SASH1: variants seen among roughly 807,000 people sequenced by gnomAD.
SASH1 encodes SAM and SH3 domain-containing protein 1.
In SASH1, 44 loss-of-function variants were observed where a neutral mutation model predicts 125.2. That is an observed-to-expected ratio of 0.35 (90% confidence interval 0.28 to 0.45). The LOEUF (loss-of-function observed/expected upper bound fraction) is 0.45. SASH1 is among the 20% of genes least tolerant of loss of function. The probability of loss-of-function intolerance (pLI) is 1.00; values close to 1 mark genes in which losing one functional copy is unlikely to be tolerated. For missense variants in SASH1, 1,426 were observed against 1,614.5 expected (o/e 0.88, Z 2.00); for synonymous variants, 639 against 649.1 (o/e 0.98, Z 0.24).
At chr6:148,299,073 A>G (rs1779861585) in intron 1 of SASH1, among the ~76,000 whole-genome samples, 1 of 152,184 alleles carries the variant, frequency 6.6e-6, no homozygotes, top group Non-Finnish European at 1.5e-5. Flanking sequence ...CTGTATATAA[A>G]TGTTTTTGAG....
intron 1 of SASH1, among the ~76,000 whole-genome samples, chr6:148,364,596 A>G (rs1375364340): frequency 6.6e-6 from 1 of 152,136 alleles, no homozygotes; most frequent in African/African-American, 2.4e-5. Context: ...ACGTAAGGCT[A>G]GCAGTTGCTA....
intron 2 of SASH1, among the ~76,000 whole-genome samples, chr6:148,392,105 A>G (rs1783749329): frequency 6.6e-6 from 1 of 152,102 alleles, no homozygotes; most frequent in Admixed American, 6.6e-5. Flanking sequence ...ACCAACACGG[A>G]GAAACCCCGT....
At chr6:148,366,394 T>C (rs1362108450) in intron 1 of SASH1, among the ~76,000 whole-genome samples, 5 of 152,140 alleles carry the variant, frequency 3.3e-5, no homozygotes, top group Admixed American at 3.3e-4. Context: ...CAAGAAAATA[T>C]TGGATACTTG....
chr6:148,221,247 A>G, the SASH1 span, among the ~76,000 whole-genome samples: 1 of 152,204 alleles, frequency 6.6e-6, no homozygotes, highest in Non-Finnish European at 1.5e-5. Flanking sequence ...ATTTTCTTCA[A>G]ATAAATCAGC....
Position 148,307,543 on chromosome 6 carries a change from T to C in SASH1, n.74+35166T>C, listed in dbSNP as rs529743303. Among the ~76,000 whole-genome samples the C allele has an allele frequency of 2.6e-5, 4 of 152,174 alleles. No homozygotes were observed. The East Asian group carries it at 7.7e-4, about 29-fold the overall frequency. ...TGGAACAAGATATTTATGAAACAGGTTCCGTGGCTGCCCCAAGGCTCCAAG... is the reference window on the plus strand; with the variant it reads ...TGGAACAAGATATTTATGAAACAGGCTCCGTGGCTGCCCCAAGGCTCCAAG... On this transcript the variant is annotated intron_variant and non_coding_transcript_variant, in intron 1 of 3. Transcript: ENST00000367469.
intron 8 of SASH1, chr6:148,508,801 T>C (rs761584547): frequency 7.4e-6 from 6 of 813,734 alleles, no homozygotes; most frequent in Non-Finnish European, 1.0e-5. Flanking sequence ...GTGAAGACGC[T>C]CTCCGAGTGG....
chr6:148,333,636 A>G (rs1304507774), intron 1 of SASH1, among the ~76,000 whole-genome samples: 1 of 152,076 alleles, frequency 6.6e-6, no homozygotes. Context: ...ATCTCGGCTC[A>G]CCACAACCTC....
At chr6:148,434,330 C>T (rs2114986869) in intron 2 of SASH1, among the ~76,000 whole-genome samples, 1 of 152,246 alleles carries the variant, frequency 6.6e-6, no homozygotes, top group East Asian at 1.9e-4. Context: ...CTGCCTCAGC[C>T]TCCCAAAGTG....
intron 8 of SASH1, among the ~76,000 whole-genome samples, chr6:148,506,745 G>A (rs546302766): frequency 6.6e-6 from 1 of 151,990 alleles, no homozygotes; most frequent in Non-Finnish European, 1.5e-5. Flanking sequence ...CATTTTCTTC[G>A]TTTTTATCCT....
rs373110309 is a variant in SASH1 at position 148,542,410 on chromosome 6, G to A, written c.2210-1270G>A. Among the ~76,000 whole-genome samples the A allele has an allele frequency of 1.1e-3, 172 of 151,814 alleles. 1 individual carries two copies. The highest frequency in any genetic ancestry group is 3.9e-3 in the African/African-American group (161 of 41,408). On this transcript the variant is annotated intron_variant, in intron 17 of 19. Transcript: ENST00000367467. ...GATTTTTCTTTTCTTTTTATGAGGC[G>A]GAGTCTCGCTCTGTCGCCCAGGCTG...
intron 1 of SASH1, among the ~76,000 whole-genome samples, chr6:148,375,320 A>T (rs1192826304): frequency 6.6e-6 from 1 of 152,096 alleles, no homozygotes; most frequent in Non-Finnish European, 1.5e-5. Context: ...ATACACAGAG[A>T]CATAGAGATA....
At chr6:148,211,280 T>A in the SASH1 span, among the ~76,000 whole-genome samples, 101,344 of 152,132 alleles carry the variant, frequency 0.67, 35,220 homozygotes, top group African/African-American at 0.88. Context: ...TTTGAAGGGC[T>A]CTAAAAGAGG....
At chr6:148,418,770 T>C (rs952311483) in intron 2 of SASH1, among the ~76,000 whole-genome samples, 8 of 152,186 alleles carry the variant, frequency 5.3e-5, no homozygotes, top group Admixed American at 4.6e-4. Context: ...AAGCACCTGA[T>C]CCAGTCTTAG....
At position 148,443,802 on chromosome 6, in the gene SASH1, A is replaced by G. The variant is rs1294922957; in HGVS notation, c.386+3395A>G. The stretch of plus-strand genomic sequence containing the variant: ...ATGCATTGTCGCTATAGAATAATTT[A>G]TACATTGTATTTGAAGATGCAAATA... On this transcript the variant is annotated intron_variant, in intron 4 of 19. Coordinates refer to ENST00000367467, the MANE Select transcript of SASH1 (RefSeq NM_015278.5). 2.0e-5 allele frequency among the ~76,000 whole-genome samples: 3 copies of G among 152,210 alleles called. No individual in the cohort carries two copies. In the East Asian group the frequency reaches 5.8e-4, roughly 29 times the overall value.
chr6:148,500,194 T>A (rs1779504223), intron 8 of SASH1, among the ~76,000 whole-genome samples: 1 of 151,754 alleles, frequency 6.6e-6, no homozygotes, highest in Admixed American at 6.6e-5. Flanking sequence ...TGTTTTGACC[T>A]GTTTGCCATG....
At chr6:148,417,704 T>C (rs1199369285) in intron 2 of SASH1, among the ~76,000 whole-genome samples, 1 of 145,002 alleles carries the variant, frequency 6.9e-6, no homozygotes, top group Non-Finnish European at 1.5e-5. Context: ...TCTCCATGCC[T>C]CAGTTTCCTC....
At chr6:148,535,810 C>G (rs1028775068) in intron 16 of SASH1, among the ~76,000 whole-genome samples, 8 of 152,204 alleles carry the variant, frequency 5.3e-5, no homozygotes, top group Admixed American at 1.3e-4. Flanking sequence ...CCTTCAAGGA[C>G]TCTGCTTCAG....
chr6:148,384,886 A>G (rs1233771370), intron 1 of SASH1, among the ~76,000 whole-genome samples: 1 of 152,236 alleles, frequency 6.6e-6, no homozygotes, highest in Non-Finnish European at 1.5e-5. Context: ...TATAACATAG[A>G]AATGATGATT....
At chr6:148,250,584 A>AC in the SASH1 span, among the ~76,000 whole-genome samples, 1 of 152,086 alleles carries the variant, frequency 6.6e-6, no homozygotes, top group Non-Finnish European at 1.5e-5. Flanking sequence ...AAAAAAAAAA[A>AC]AAAAACTGTA....
Sources: allele counts gnomAD v4.1 joint callset (sites outside exome capture counted in the v4.1 genomes callset), GRCh38; gene constraint gnomAD v4.1.1; transcripts MANE v1.5; gene names NCBI Gene and HGNC (gene_info 2026-07-23, HGNC 2026-07-21).